Variants in ZNF558 observed in about 807,000 individuals in gnomAD.
ZNF558 encodes the protein zinc finger protein 558.
A neutral mutation model predicts 37.6 loss-of-function variants in ZNF558; 23 were observed. The ratio of observed to expected loss-of-function variants is 0.61; its 90% CI spans 0.44 to 0.87. The LOEUF (loss-of-function observed/expected upper bound fraction) is 0.87, where lower values mean the gene tolerates loss of function less well. ZNF558 is among the 40% of genes least tolerant of loss of function. The pLI is 0.00. For synonymous variants in ZNF558, 189 were observed against 174.4 expected, an observed-to-expected ratio of 1.08 and a Z score of -0.66; for missense variants, 429 against 483.7, an observed-to-expected ratio of 0.89 and a Z score of 1.06.
chr19:8,820,728 G>A (rs531401198), intron 7 of ZNF558, among the ~76,000 whole-genome samples: 20 of 152,176 alleles, frequency 1.3e-4, no homozygotes, highest in African/African-American at 3.4e-4. Flanking sequence ...CGCCCGCCTC[G>A]GCCTCCCAAA....
chr19:8,822,000 C>T lies in ZNF558; in HGVS notation c.120+3G>A, dbSNP rs747474262. The T allele has an allele frequency of 6.2e-7, 1 of 1,613,814 alleles. No homozygotes were observed. Among genetic ancestry groups the T allele is most frequent in the Admixed American group, 1.7e-5 (1 of 59,990 alleles). The stretch of plus-strand genomic sequence containing the variant: ...GATTTGGGAAAAGGAACATCTGACT[C>T]ACCCGTAGCCAGCTTGTCAGGAGCT... On this transcript the variant is annotated splice_donor_region_variant and intron_variant, in intron 6 of 9. Transcript: ENST00000601372.
Position 8,809,414 on chromosome 19 carries a change from A to C in ZNF558, c.*1867T>G, listed in dbSNP as rs916123871. On this transcript the variant is annotated 3_prime_UTR_variant, in exon 10 of 10. Transcript: ENST00000601372. ...AGATTGAGAACTTTCGATATTGTTC[A>C]CAGACAACTTGAACAACATGTTTGT... is the stretch of plus-strand genomic sequence containing the variant. 1 of 152,238 alleles carries C rather than the reference A, an allele frequency of 6.6e-6. No homozygotes were observed. Among genetic ancestry groups the C allele is most frequent in the African/African-American group, 2.4e-5 (1 of 41,456 alleles). The allele number at this position is 152,238 out of a possible 1,614,324, so 9.4% of individuals were successfully genotyped here. A position where few individuals can be genotyped will look rare whatever the true frequency, so the allele number is the denominator to read the frequency against.
intron 2 of ZNF558, among the ~76,000 whole-genome samples, chr19:8,826,160 C>T (rs920909268): frequency 1.3e-5 from 2 of 152,030 alleles, no homozygotes; most frequent in African/African-American, 4.8e-5. Context: ...TGGGTTCTCC[C>T]CTAGAGCCTC....
At position 8,813,195 on chromosome 19, in the gene ZNF558, A is replaced by G; in HGVS notation, c.275T>C (p.Ile92Thr). ...CTTCTTGTCTTGTTCCAACTGGGAT[A>G]TCAGACTGGGTTTATTAACACGACA... ...LGCRVNKPSL[I>T]SQLEQDKKVV... The change falls in exon 8 of 10, where the codon ATA becomes ACA. Residue 92 changes from isoleucine to threonine, a missense_variant. Transcript: ENST00000601372. 1 of 1,598,558 alleles carries G rather than the reference A, an allele frequency of 6.3e-7. No homozygotes were observed. Among genetic ancestry groups the G allele is most frequent in the Non-Finnish European group, 8.5e-7 (1 of 1,171,748 alleles).
At chr19:8,837,128 C>T (rs2044463782), upstream of ZNF558, among the ~76,000 whole-genome samples, 1 of 152,150 alleles carries the variant, frequency 6.6e-6, no homozygotes, top group Admixed American at 6.5e-5. Context: ...ATGACCTCGC[C>T]CTCTGCTAGC....
chr19:8,822,929 A>T lies in ZNF558; in HGVS notation c.-65-205T>A. 1.9e-6 allele frequency: 1 copy of T among 539,548 alleles called. No homozygotes were observed. The highest frequency in any genetic ancestry group is 3.4e-6 in the Non-Finnish European group (1 of 298,368). The allele number at this position is 539,548 out of a possible 1,614,324, so 33.4% of individuals were successfully genotyped here. Reference sequence around the variant, plus strand: ...TTCCTCTGTCCCCAACACAACGACCAGTACCTCCCTGACCCACCCGCTTTG... The same window carrying T: ...TTCCTCTGTCCCCAACACAACGACCTGTACCTCCCTGACCCACCCGCTTTG... On this transcript the variant is annotated intron_variant, in intron 4 of 9. Coordinates refer to ENST00000601372, the MANE Select transcript of ZNF558 (RefSeq NM_144693.3). The surrounding 1 kb of genome is among the most constrained non-coding windows in gnomAD (Gnocchi z 4.4).
upstream of ZNF558, among the ~76,000 whole-genome samples, chr19:8,834,205 G>A (rs1414517223): frequency 6.6e-6 from 1 of 152,218 alleles, no homozygotes; most frequent in Non-Finnish European, 1.5e-5. Flanking sequence ...GCTGAAGGAA[G>A]TTTAAGCAAA....
chr19:8,822,904 T>A lies in ZNF558; in HGVS notation c.-65-180A>T. 1.7e-6 allele frequency: 1 copy of A among 595,620 alleles called. No homozygotes were observed. 36.9% of individuals were successfully genotyped at this position (595,620 alleles called of 1,614,324 possible). ...AGGGCCACCTGATGGAAAACTTGCCTTCCTCTGTCCCCAACACAACGACCA... is the reference window on the plus strand; with the variant it reads ...AGGGCCACCTGATGGAAAACTTGCCATCCTCTGTCCCCAACACAACGACCA... On this transcript the variant is annotated intron_variant, in intron 4 of 9. Coordinates refer to ENST00000601372, the MANE Select transcript of ZNF558 (RefSeq NM_144693.3). The surrounding 1 kb of genome is among the most constrained non-coding windows in gnomAD (Gnocchi z 4.4).
upstream of ZNF558, chr19:8,832,319 C>T (rs1009492883): frequency 6.6e-6 from 1 of 152,280 alleles, no homozygotes; most frequent in Non-Finnish European, 1.5e-5. Flanking sequence ...CGCGCTTCCG[C>T]TTCCGGTCTG....
At chr19:8,830,900 A>C (rs75955482) in intron 2 of ZNF558, 1 of 151,958 alleles carries the variant, frequency 6.6e-6, no homozygotes, top group Non-Finnish European at 1.5e-5. Context: ...GTCTCAAGAA[A>C]AAAAAAAAAA....
chr19:8,814,740 G>GTTT (rs1270217877), intron 7 of ZNF558, among the ~76,000 whole-genome samples: 1 of 152,178 alleles, frequency 6.6e-6, no homozygotes. Context: ...GAGACTAGAA[G>GTTT]TTTTTTCCTT....
chr19:8,813,151 C>T lies in ZNF558; in HGVS notation c.319G>A (p.Gly107Arg). 6.3e-7 allele frequency: 1 copy of T among 1,595,146 alleles called. No homozygotes were observed. Among genetic ancestry groups the T allele is most frequent in the Non-Finnish European group, 8.5e-7 (1 of 1,169,990 alleles). The change falls in exon 8 of 10, where the codon GGA becomes AGA. Residue 107 changes from glycine to arginine, a missense_variant. Coordinates refer to ENST00000601372, the MANE Select transcript of ZNF558 (RefSeq NM_144693.3). ...CCTGGACAGGTGCTTGGTAGAATTCCTCTTTCCTCTGTCACCACCTTCTTG... is the reference window on the plus strand; with the variant it reads ...CCTGGACAGGTGCTTGGTAGAATTCTTCTTTCCTCTGTCACCACCTTCTTG... ...QDKKVVTEER[G>R]ILPSTCPDLE...
upstream of ZNF558, among the ~76,000 whole-genome samples, chr19:8,832,910 G>A (rs912369630): frequency 6.6e-6 from 1 of 151,656 alleles, no homozygotes; most frequent in Non-Finnish European, 1.5e-5. Flanking sequence ...GGCTGTGGGT[G>A]TACCGGTCTT....
chr19:8,821,029 T>C (rs2044073333), intron 7 of ZNF558, 151 bp downstream of exon 7: 14 of 1,221,300 alleles, frequency 1.1e-5, no homozygotes, highest in Non-Finnish European at 1.6e-5. Flanking sequence ...ACCATGAATG[T>C]ATGAAAAACC....
At position 8,813,189 on chromosome 19, in the gene ZNF558, T is replaced by G. The variant is rs1415476699; in HGVS notation, c.281A>C (p.Gln94Pro). The change falls in exon 8 of 10, where the codon CAG becomes CCG. Residue 94 changes from glutamine (Q) to proline (P), a missense_variant. Transcript: ENST00000601372. ...CRVNKPSLIS[Q>P]LEQDKKVVTE... ...CACCACCTTCTTGTCTTGTTCCAAC[T>G]GGGATATCAGACTGGGTTTATTAAC... 1 of 1,599,666 alleles carries G rather than the reference T, an allele frequency of 6.3e-7. No individual in the cohort carries two copies.
intron 2 of ZNF558, among the ~76,000 whole-genome samples, chr19:8,825,476 T>C (rs969299761): frequency 1.5e-4 from 23 of 151,744 alleles, no homozygotes; most frequent in African/African-American, 5.6e-4. Flanking sequence ...CCTGAAAAGA[T>C]TTCTAGGTAT....
At chr19:8,826,553 A>G (rs1339444655) in intron 2 of ZNF558, among the ~76,000 whole-genome samples, 1 of 152,072 alleles carries the variant, frequency 6.6e-6, no homozygotes, top group Non-Finnish European at 1.5e-5. Context: ...GAATGCTGCC[A>G]CTGATCGGCC....
upstream of ZNF558, among the ~76,000 whole-genome samples, chr19:8,833,912 C>A (rs1007779317): frequency 2.6e-5 from 4 of 151,948 alleles, no homozygotes; most frequent in African/African-American, 9.7e-5. Flanking sequence ...AGCTTGAACT[C>A]GGGAGGTGGA....
intron 2 of ZNF558, among the ~76,000 whole-genome samples, chr19:8,828,067 G>A (rs747042570): frequency 3.3e-5 from 5 of 152,204 alleles, no homozygotes; most frequent in Non-Finnish European, 5.9e-5. Context: ...TGGAGATGGA[G>A]CAGCAATTCC....
Sources: gnomAD v4.1 joint callset for allele counts (sites outside exome capture counted in the v4.1 genomes callset) on GRCh38, gnomAD v4.1.1 for gene constraint, Gnocchi (gnomAD v3.1) non-coding constraint, MANE v1.5 for transcripts, NCBI Gene and HGNC (gene_info 2026-07-23, HGNC 2026-07-21) for gene names.